SCHIP1: variants seen among roughly 807,000 people sequenced by gnomAD.
The protein encoded by SCHIP1 is schwannomin interacting protein 1.
Under a neutral mutation model 29.7 loss-of-function variants are expected in SCHIP1, and 8 were observed. The observed-to-expected ratio is 0.27, with a 90% confidence interval of 0.16 to 0.49. The LOEUF is 0.49. Ranked by LOEUF, SCHIP1 falls within the 20% of genes least tolerant of loss-of-function variation. The pLI, the probability that SCHIP1 is intolerant of heterozygous loss-of-function variation, is 0.99. For synonymous variants in SCHIP1, 76 were observed against 94.9 expected (o/e 0.80, Z 1.16); for missense variants, 193 against 294.6 (o/e 0.66, Z 2.52).
chr3:159,781,081 CCTTAT>C, the SCHIP1 span, among the ~76,000 whole-genome samples: 3 of 152,206 alleles, frequency 2.0e-5, no homozygotes, highest in Non-Finnish European at 2.9e-5. Context: ...TCTAACCATT[CCTTAT>C]CTTATAGAAA....
chr3:159,748,303 T>C, the SCHIP1 span, among the ~76,000 whole-genome samples: 1 of 152,272 alleles, frequency 6.6e-6, no homozygotes, highest in Non-Finnish European at 1.5e-5. Context: ...ATGTGTTTAC[T>C]GTGTAACGTA....
At chr3:159,390,932 T>C in the SCHIP1 span, among the ~76,000 whole-genome samples, 1 of 152,162 alleles carries the variant, frequency 6.6e-6, no homozygotes, top group Non-Finnish European at 1.5e-5. Flanking sequence ...GAAGTACCAC[T>C]TGCTTTATCC....
At chr3:159,783,411 G>A in the SCHIP1 span, among the ~76,000 whole-genome samples, 1 of 152,194 alleles carries the variant, frequency 6.6e-6, no homozygotes, top group African/African-American at 2.4e-5. Context: ...CATGGAAACT[G>A]CACCAGGAGC....
At chr3:159,353,162 A>G in the SCHIP1 span, among the ~76,000 whole-genome samples, 1 of 152,100 alleles carries the variant, frequency 6.6e-6, no homozygotes, top group Admixed American at 6.6e-5. Context: ...AGCATGGTGG[A>G]TCAAGCACAA....
chr3:159,306,028 A>G, the SCHIP1 span, among the ~76,000 whole-genome samples: 1 of 152,186 alleles, frequency 6.6e-6, no homozygotes, highest in Non-Finnish European at 1.5e-5. Context: ...TGAATATGGA[A>G]CCAGGAGCTT....
the SCHIP1 span, among the ~76,000 whole-genome samples, chr3:159,599,031 C>T: frequency 6.6e-6 from 1 of 152,006 alleles, no homozygotes; most frequent in Non-Finnish European, 1.5e-5. Context: ...TATAGCCACT[C>T]CTATTTGCTT....
chr3:159,685,787 A>C, the SCHIP1 span, among the ~76,000 whole-genome samples: 2 of 152,358 alleles, frequency 1.3e-5, no homozygotes, highest in South Asian at 4.1e-4. Flanking sequence ...ATGTCCAGCA[A>C]TGATGGGCTA....
the SCHIP1 span, among the ~76,000 whole-genome samples, chr3:159,595,976 T>C: frequency 6.6e-6 from 1 of 152,154 alleles, no homozygotes; most frequent in African/African-American, 2.4e-5. Context: ...CTAAAGAGCT[T>C]CTGCACAGCA....
chr3:159,619,212 A>G, the SCHIP1 span, among the ~76,000 whole-genome samples: 9 of 152,312 alleles, frequency 5.9e-5, no homozygotes, highest in African/African-American at 2.2e-4. Flanking sequence ...AATGGAAAAG[A>G]AAAAAAGAAA....
At chr3:159,398,924 C>T in the SCHIP1 span, 1 of 979,868 alleles carries the variant, frequency 1.0e-6, no homozygotes, top group Non-Finnish European at 1.2e-6. Context: ...CTATACAGAA[C>T]TTAAATTTGT....
the SCHIP1 span, among the ~76,000 whole-genome samples, chr3:159,586,926 G>A: frequency 6.6e-6 from 1 of 152,160 alleles, no homozygotes; most frequent in African/African-American, 2.4e-5. Flanking sequence ...ACTTTAGAAA[G>A]GTAGTTATTT....
At chr3:159,724,910 T>C in the SCHIP1 span, among the ~76,000 whole-genome samples, 2 of 152,368 alleles carry the variant, frequency 1.3e-5, no homozygotes, top group Non-Finnish European at 1.5e-5. Flanking sequence ...ACAAGCAAGA[T>C]TTCTCAATGT....
chr3:159,311,785 A>G, the SCHIP1 span, among the ~76,000 whole-genome samples: 1 of 152,082 alleles, frequency 6.6e-6, no homozygotes, highest in African/African-American at 2.4e-5. Context: ...AAATTATGAT[A>G]CTCTTCATGA....
the SCHIP1 span, among the ~76,000 whole-genome samples, chr3:159,506,751 A>G: frequency 2.0e-5 from 3 of 152,110 alleles, no homozygotes; most frequent in Non-Finnish European, 2.9e-5. Flanking sequence ...TGTTTTTCTC[A>G]GGTTTGTCAA....
the SCHIP1 span, among the ~76,000 whole-genome samples, chr3:159,552,284 G>C: frequency 6.6e-6 from 1 of 151,896 alleles, no homozygotes; most frequent in South Asian, 2.1e-4. Context: ...AACCCCAGGT[G>C]ATCCACCAGC....
At chr3:159,866,004 A>G (rs1251693696) in intron 1 of SCHIP1, among the ~76,000 whole-genome samples, 159 bp from the exon 3 acceptor site, 3 of 152,230 alleles carry the variant, frequency 2.0e-5, no homozygotes, top group Non-Finnish European at 4.4e-5. Flanking sequence ...GAGACTGGTA[A>G]AATTTCAGCT....
At chr3:159,880,291 G>A (rs1267684253) in intron 2 of SCHIP1, among the ~76,000 whole-genome samples, 1 of 152,128 alleles carries the variant, frequency 6.6e-6, no homozygotes, top group Non-Finnish European at 1.5e-5. Context: ...CCCAACCTCA[G>A]TTCACCAAGA....
chr3:159,800,981 T>TA, the SCHIP1 span, among the ~76,000 whole-genome samples: 2 of 145,568 alleles, frequency 1.4e-5, no homozygotes, highest in South Asian at 4.4e-4. Context: ...TTTTTTTTTT[T>TA]AATATGCAGT....
At chr3:159,626,155 T>G in the SCHIP1 span, among the ~76,000 whole-genome samples, 33 of 117,084 alleles carry the variant, frequency 2.8e-4, no homozygotes, top group African/African-American at 5.1e-4. Flanking sequence ...TAGATATATA[T>G]ATATATCTAG....
Sources: allele counts gnomAD v4.1 joint callset (sites outside exome capture counted in the v4.1 genomes callset), GRCh38; gene constraint gnomAD v4.1.1; transcripts MANE v1.5; gene names NCBI Gene and HGNC (gene_info 2026-07-23, HGNC 2026-07-21).